The following DPP10 variants were observed in gnomAD, a reference collection of about 807,000 sequenced individuals.
The protein encoded by DPP10 is inactive dipeptidyl peptidase 10.
In DPP10, 33 loss-of-function variants were observed where a neutral mutation model predicts 120.9. The ratio of observed to expected loss-of-function variants is 0.27; its 90% confidence interval spans 0.21 to 0.37. DPP10 has a LOEUF of 0.37. Ranked by LOEUF, DPP10 falls within the 10% of genes least tolerant of loss-of-function variation. The probability of loss-of-function intolerance (pLI) is 1.00; values close to 1 mark genes in which losing one functional copy is unlikely to be tolerated. For synonymous variants in DPP10, 337 were observed against 326.1 expected (o/e 1.03, Z -0.36); for missense variants, 816 against 942.8 (o/e 0.87, Z 1.76).
At chr2:114,532,296 T>TACACACACACACACACAC (rs56653562) in intron 1 of DPP10, among the ~76,000 whole-genome samples, 1 of 74,760 alleles carries the variant, frequency 1.3e-5, no homozygotes, top group African/African-American at 6.6e-5. Context: ...TATATATATA[T>TACACACACACACACACAC]ACACACACAC....
intron 2 of DPP10, among the ~76,000 whole-genome samples, chr2:115,320,488 C>T (rs2062004903): frequency 6.6e-6 from 1 of 151,104 alleles, no homozygotes; most frequent in African/African-American, 2.4e-5. Context: ...TTCTCATTTC[C>T]TCTCGAATTT....
intron 5 of DPP10, among the ~76,000 whole-genome samples, chr2:115,551,711 A>G (rs1184039429): frequency 2.0e-5 from 3 of 152,132 alleles, no homozygotes; most frequent in Non-Finnish European, 2.9e-5. Flanking sequence ...CTGTCAAACT[A>G]TGGGAATCCA....
intron 1 of DPP10, among the ~76,000 whole-genome samples, chr2:114,664,260 A>G (rs1369751735): frequency 1.3e-5 from 2 of 151,882 alleles, no homozygotes; most frequent in African/African-American, 4.8e-5. Context: ...ATTAACAAGA[A>G]GCATGTGGAT....
At chr2:114,636,004 T>C (rs1390448658) in intron 1 of DPP10, among the ~76,000 whole-genome samples, 1 of 151,916 alleles carries the variant, frequency 6.6e-6, no homozygotes, top group Non-Finnish European at 1.5e-5. Context: ...TTTCAGAATT[T>C]GACTTTTTGC....
At chr2:115,064,386 G>A (rs1019880648) in intron 1 of DPP10, among the ~76,000 whole-genome samples, 1 of 152,128 alleles carries the variant, frequency 6.6e-6, no homozygotes, top group Admixed American at 6.5e-5. Flanking sequence ...CCATGGGGCT[G>A]AGCATTACAA....
intron 1 of DPP10, among the ~76,000 whole-genome samples, chr2:114,564,976 T>C (rs1353182545): frequency 6.6e-6 from 1 of 152,222 alleles, no homozygotes; most frequent in African/African-American, 2.4e-5. Context: ...TAGAGTGGTG[T>C]GGACTAAGGA....
At chr2:115,246,261 A>G (rs2058528296) in intron 1 of DPP10, among the ~76,000 whole-genome samples, 1 of 152,138 alleles carries the variant, frequency 6.6e-6, no homozygotes, top group Non-Finnish European at 1.5e-5. Flanking sequence ...GGACTGTGCT[A>G]CATACTGGCT....
At chr2:114,459,117 C>G (rs1678731527) in intron 1 of DPP10, among the ~76,000 whole-genome samples, 1 of 152,120 alleles carries the variant, frequency 6.6e-6, no homozygotes, top group African/African-American at 2.4e-5. Context: ...GAATGTATAA[C>G]ACAAAACGAG....
chr2:114,511,985 T>G (rs1488375264), intron 1 of DPP10, among the ~76,000 whole-genome samples: 1 of 152,228 alleles, frequency 6.6e-6, no homozygotes, highest in Non-Finnish European at 1.5e-5. Context: ...TAAAGGCAAC[T>G]ATCAAAACAA....
intron 1 of DPP10, among the ~76,000 whole-genome samples, chr2:115,206,603 T>G (rs2056149194): frequency 6.6e-6 from 1 of 152,222 alleles, no homozygotes; most frequent in Non-Finnish European, 1.5e-5. Flanking sequence ...GAGAAGATTT[T>G]TATTAAACCA....
intron 1 of DPP10, among the ~76,000 whole-genome samples, chr2:114,444,482 T>C (rs1007237243): frequency 2.6e-5 from 4 of 152,178 alleles, no homozygotes; most frequent in African/African-American, 4.8e-5. Flanking sequence ...CTTTTCTTTA[T>C]TGAGTAAGCA....
At chr2:115,177,444 A>AC (rs2053768035) in intron 1 of DPP10, among the ~76,000 whole-genome samples, 1 of 152,018 alleles carries the variant, frequency 6.6e-6, no homozygotes, top group Non-Finnish European at 1.5e-5. Flanking sequence ...TATTTTTTTC[A>AC]CTTCCAATTT....
intron 3 of DPP10, among the ~76,000 whole-genome samples, chr2:115,459,775 C>T (rs2073869855): frequency 6.6e-6 from 1 of 151,732 alleles, no homozygotes; most frequent in African/African-American, 2.4e-5. Context: ...ATCTGTCCAA[C>T]TTCCAACAGT....
rs138646607 is a variant in DPP10, at chr2:115,001,484, C to T, written c.61-307755C>T. Among the ~76,000 whole-genome samples, 468 of 152,196 alleles carry T rather than the reference C, an allele frequency of 3.1e-3. 3 individuals are homozygous for T. Among genetic ancestry groups the T allele is most frequent in the African/African-American group, 0.011 (440 of 41,558 alleles). On this transcript the variant is annotated intron_variant, in intron 1 of 25. Coordinates refer to ENST00000410059, the MANE Select transcript of DPP10 (RefSeq NM_020868.6). Reference sequence around the variant, plus strand: ...CTGGAAGCATTCCGCTTGAGAACCACGAGACAACAAAAACCTCTCTCATCA... The same window carrying T: ...CTGGAAGCATTCCGCTTGAGAACCATGAGACAACAAAAACCTCTCTCATCA...
chr2:114,867,544 G>A (rs1030409098), intron 1 of DPP10, among the ~76,000 whole-genome samples: 1 of 152,098 alleles, frequency 6.6e-6, no homozygotes, highest in Non-Finnish European at 1.5e-5. Flanking sequence ...AATCTCATTA[G>A]ATTTTATGAA....
At chr2:115,438,592 A>G (rs985298012) in intron 3 of DPP10, among the ~76,000 whole-genome samples, 1 of 152,248 alleles carries the variant, frequency 6.6e-6, no homozygotes, top group Non-Finnish European at 1.5e-5. Flanking sequence ...GACACATGCT[A>G]TCCCATAGAT....
At chr2:115,306,154 C>T (rs995612383) in intron 1 of DPP10, among the ~76,000 whole-genome samples, 5 of 151,938 alleles carry the variant, frequency 3.3e-5, no homozygotes, top group Admixed American at 2.6e-4. Context: ...TCTCAAGTAG[C>T]GGAGTTGGAT....
intron 1 of DPP10, among the ~76,000 whole-genome samples, chr2:114,550,806 AG>A (rs1687824324): frequency 6.6e-6 from 1 of 152,218 alleles, no homozygotes; most frequent in Non-Finnish European, 1.5e-5. Context: ...GGTTAGGGAC[AG>A]TTTCTACCTT....
intron 1 of DPP10, among the ~76,000 whole-genome samples, chr2:114,604,134 G>T (rs1047191630): frequency 6.6e-6 from 1 of 151,794 alleles, no homozygotes; most frequent in South Asian, 2.1e-4. Flanking sequence ...TTCTATAAGG[G>T]GCTGCTCACC....
Sources: gnomAD v4.1 joint callset for allele counts (sites outside exome capture counted in the v4.1 genomes callset) on GRCh38, gnomAD v4.1.1 for gene constraint, MANE v1.5 for transcripts, NCBI Gene and HGNC (gene_info 2026-07-23, HGNC 2026-07-21) for gene names.